The following KIAA0825 variants were observed in gnomAD, a reference collection of about 807,000 sequenced individuals.
KIAA0825 encodes KIAA0825.
KIAA0825 carries 119 observed loss-of-function variants against 147.6 expected under a neutral mutation model. That is an observed-to-expected ratio of 0.81 (90% CI 0.69 to 0.94). The LOEUF (loss-of-function observed/expected upper bound fraction) is 0.94, where lower values mean the gene tolerates loss of function less well. Among genes scored for constraint, KIAA0825 ranks in the 40% least tolerant of loss-of-function variants. The probability of loss-of-function intolerance (pLI) is 0.00; values close to 1 mark genes in which losing one functional copy is unlikely to be tolerated. For synonymous variants in KIAA0825, 470 were observed against 518.1 expected (o/e 0.91, Z 1.26); for missense variants, 1,381 against 1,472.7 (o/e 0.94, Z 1.02).
At chr5:94,207,431 T>A (rs909042317) in intron 20 of KIAA0825, among the ~76,000 whole-genome samples, 1 of 152,158 alleles carries the variant, frequency 6.6e-6, no homozygotes, top group African/African-American at 2.4e-5. Context: ...TCTTTGGCAC[T>A]CAAATAAAGT....
rs1257345394 is a variant in KIAA0825 at position 94,152,600 on chromosome 5, C to G, written c.*1407G>C. Among the ~76,000 whole-genome samples, 2 of 148,202 alleles carry G rather than the reference C, an allele frequency of 1.3e-5. No individual in the cohort carries two copies. The highest frequency in any genetic ancestry group is 2.0e-4 in the East Asian group (1 of 5,010). On this transcript the variant is annotated 3_prime_UTR_variant, in exon 21 of 21. Coordinates refer to ENST00000682413, the MANE Select transcript of KIAA0825 (RefSeq NM_001145678.3). ...AGCTAGGTGGGAGAATCACTTGAGA[C>G]AAGGAGTTCAAGTCCAGCCTGGGCA...
intron 18 of KIAA0825, 81 bp from the exon 19 acceptor site, chr5:94,386,485 T>A: frequency 8.6e-7 from 1 of 1,165,468 alleles, no homozygotes; most frequent in Non-Finnish European, 1.2e-6. Flanking sequence ...TATCCAAATT[T>A]ATCCTTTCAG....
chr5:94,605,573 A>C (rs1348067274), intron 1 of KIAA0825, among the ~76,000 whole-genome samples: 1 of 152,212 alleles, frequency 6.6e-6, no homozygotes, highest in Non-Finnish European at 1.5e-5. Flanking sequence ...AAACCTGATA[A>C]ACTAGGCTTC....
chr5:94,480,176 GA>G (rs1222567793), intron 6 of KIAA0825, among the ~76,000 whole-genome samples: 1 of 151,896 alleles, frequency 6.6e-6, no homozygotes, highest in Non-Finnish European at 1.5e-5. Context: ...AATGAAGAGA[GA>G]AAAAAATCCT....
chr5:94,152,892 ATATATATATATG>A lies in KIAA0825; in HGVS notation c.*1103_*1114del, dbSNP rs1766692501. 2.2e-5 allele frequency: 1 copy of A among 44,746 alleles called. No homozygotes were observed. Among genetic ancestry groups the A allele is most frequent in the Non-Finnish European group, 4.2e-5 (1 of 23,882 alleles). 2.8% of individuals were successfully genotyped at this position (44,746 alleles called of 1,614,324 possible). A position where few individuals can be genotyped will look rare whatever the true frequency, so the allele number is the denominator to read the frequency against. On this transcript the variant is annotated 3_prime_UTR_variant, in exon 21 of 21. Transcript: ENST00000682413. ...TATATATATATATATATATATATAT[ATATATATATATG>A]GTTTCTCCCAGACGTTCTTAGACTG...
At chr5:94,265,974 C>G (rs1776723544) in intron 20 of KIAA0825, among the ~76,000 whole-genome samples, 1 of 151,954 alleles carries the variant, frequency 6.6e-6, no homozygotes, top group Admixed American at 6.6e-5. Context: ...CACTGCATAC[C>G]CAAGTACAAT....
chr5:94,244,816 T>G (rs1775524628), intron 20 of KIAA0825, among the ~76,000 whole-genome samples: 1 of 152,202 alleles, frequency 6.6e-6, no homozygotes, highest in Non-Finnish European at 1.5e-5. Flanking sequence ...ATTAATAACA[T>G]CAACAGTTTA....
intron 5 of KIAA0825, among the ~76,000 whole-genome samples, chr5:94,511,224 A>T (rs1766429282): frequency 6.6e-6 from 1 of 152,188 alleles, no homozygotes; most frequent in Non-Finnish European, 1.5e-5. Flanking sequence ...GTGAGAAATA[A>T]ATGTTCGTTG....
intron 5 of KIAA0825, among the ~76,000 whole-genome samples, chr5:94,503,363 T>G (rs150280784): frequency 2.0e-5 from 3 of 152,264 alleles, no homozygotes; most frequent in African/African-American, 7.2e-5. Flanking sequence ...CAAGCTTTCA[T>G]AAAGCTTTCA....
chr5:94,484,903 C>A lies in KIAA0825; in HGVS notation c.998G>T (p.Arg333Ile). Residue 333 changes from arginine to isoleucine, a missense_variant, in exon 6 of 21, where the codon AGA (arginine) becomes ATA (isoleucine). By Grantham distance (97) the Arg-to-Ile change is moderately conservative. Transcript: ENST00000682413. ...LVTTECPQKG[R>I]NFSLPLDKVE... is the part of the protein sequence containing the mutation. The stretch of plus-strand genomic sequence containing the variant: ...TTTGTCTAAAGGGAGAGAGAAGTTT[C>A]TTCCTTTCTGTGGGCATTCAGTAGT... 6.6e-7 allele frequency: 1 copy of A among 1,519,894 alleles called. No individual in the cohort carries two copies. Among genetic ancestry groups the A allele is most frequent in the Non-Finnish European group, 8.9e-7 (1 of 1,125,798 alleles). The allele number at this position is 1,519,894 out of a possible 1,614,324, so 94.2% of individuals were successfully genotyped here. A position where few individuals can be genotyped will look rare whatever the true frequency, so the allele number is the denominator to read the frequency against.
intron 16 of KIAA0825, among the ~76,000 whole-genome samples, chr5:94,399,970 T>C (rs1751173248): frequency 6.6e-6 from 1 of 152,108 alleles, no homozygotes; most frequent in Non-Finnish European, 1.5e-5. Context: ...AGCTTAACAC[T>C]TCACAATACA....
chr5:94,562,211 T>C (rs910230924), intron 2 of KIAA0825, among the ~76,000 whole-genome samples: 1 of 152,238 alleles, frequency 6.6e-6, no homozygotes, highest in African/African-American at 2.4e-5. Context: ...CTTTGTAGTA[T>C]ACTTTTTAAT....
chr5:94,602,985 C>A (rs549072516), intron 1 of KIAA0825, among the ~76,000 whole-genome samples: 14 of 151,990 alleles, frequency 9.2e-5, no homozygotes, highest in Non-Finnish European at 2.1e-4. Context: ...CCTGCCATTG[C>A]GTCAGGCTAA....
intron 20 of KIAA0825, among the ~76,000 whole-genome samples, chr5:94,313,499 A>T (rs950742477): frequency 5.3e-5 from 8 of 151,682 alleles, no homozygotes. Context: ...TTGTAATTTT[A>T]TACAAATGGA....
chr5:94,462,655 A>G, intron 11 of KIAA0825, 86 bp from the exon 12 acceptor site: 5 of 651,162 alleles, frequency 7.7e-6, no homozygotes, highest in Non-Finnish European at 1.2e-5. Flanking sequence ...TCTTGTACTA[A>G]GCATATGTAA....
chr5:94,463,500 C>T (rs571310794), intron 11 of KIAA0825, among the ~76,000 whole-genome samples: 214 of 150,746 alleles, frequency 1.4e-3, no homozygotes, highest in African/African-American at 4.4e-3. Flanking sequence ...CCTTTATAAA[C>T]GTTTAATTTT....
At chr5:94,299,519 T>C (rs1778290296) in intron 20 of KIAA0825, among the ~76,000 whole-genome samples, 1 of 152,114 alleles carries the variant, frequency 6.6e-6, no homozygotes, top group African/African-American at 2.4e-5. Flanking sequence ...CTTGCCTGAA[T>C]TCAATCTTAC....
intron 2 of KIAA0825, among the ~76,000 whole-genome samples, chr5:94,538,125 T>C (rs1352849944): frequency 6.6e-6 from 1 of 152,220 alleles, no homozygotes; most frequent in African/African-American, 2.4e-5. Context: ...CTCATGGAGT[T>C]TTTATTCTAG....
intron 20 of KIAA0825, among the ~76,000 whole-genome samples, chr5:94,378,082 A>T (rs1562435713): frequency 6.6e-6 from 1 of 152,220 alleles, no homozygotes. Context: ...CATAAAAATA[A>T]TAACAGTGGG....
Sources: gnomAD v4.1 joint callset for allele counts (sites outside exome capture counted in the v4.1 genomes callset) on GRCh38, gnomAD v4.1.1 for gene constraint, MANE v1.5 for transcripts, NCBI Gene and HGNC (gene_info 2026-07-23, HGNC 2026-07-21) for gene names.